Variants in EPHX1 observed in about 807,000 individuals in gnomAD.
The protein encoded by EPHX1 is epoxide hydrolase 1.
A neutral mutation model predicts 43.2 loss-of-function variants in EPHX1; 40 were observed. The observed-to-expected ratio is 0.93, with a 90% CI of 0.72 to 1.21. EPHX1 has a LOEUF of 1.21. Among genes scored for constraint, EPHX1 ranks in the 50% most tolerant of loss-of-function variants. The pLI is 0.00. For synonymous variants in EPHX1, 221 were observed against 226.7 expected (o/e 0.98, Z 0.22); for missense variants, 550 against 570.4 (o/e 0.96, Z 0.36).
At chr1:225,833,422 T>C (rs1667730073) in intron 3 of EPHX1, among the ~76,000 whole-genome samples, 1 of 151,824 alleles carries the variant, frequency 6.6e-6, no homozygotes, top group African/African-American at 2.4e-5. Flanking sequence ...GAGGATTGCT[T>C]GAGCCCAGGA....
intron 1 of EPHX1, among the ~76,000 whole-genome samples, chr1:225,820,207 C>T (rs1666922540): frequency 6.6e-6 from 1 of 152,010 alleles, no homozygotes. Flanking sequence ...AAGCAATTCT[C>T]CCTGCCTCAG....
rs778213283 is a variant in EPHX1 at position 225,831,808 on chromosome 1, T to C, written c.213T>C (p.Arg71=). 1.9e-6 allele frequency: 3 copies of C among 1,613,978 alleles called. No homozygotes were observed. The highest frequency in any genetic ancestry group is 1.7e-5 in the Admixed American group (1 of 59,986). ...HDLHQRIDKF[R]FTPPLEDSCF... Reference sequence around the variant, plus strand: ...TACACCAGAGGATCGATAAGTTCCGTTTCACCCCACCTTTGGAGGACAGCT... The same window carrying C: ...TACACCAGAGGATCGATAAGTTCCGCTTCACCCCACCTTTGGAGGACAGCT... The change falls in exon 3 of 9, where the codon CGT becomes CGC. Residue 71 remains arginine, a synonymous_variant. Transcript: ENST00000272167.
At chr1:225,828,068 G>A (rs971258716) in intron 1 of EPHX1, among the ~76,000 whole-genome samples, 6 of 152,150 alleles carry the variant, frequency 3.9e-5, no homozygotes, top group South Asian at 2.1e-4. Context: ...TGAGGCTGTC[G>A]GGCGCCGTGG....
In EPHX1 at chr1:225,839,232, C is replaced by G; in HGVS notation, c.608C>G (p.Ala203Gly). The change falls in exon 5 of 9, where the codon GCC becomes GGC. Residue 203 changes from alanine to glycine, a missense_variant. Physicochemically the swap from Ala to Gly is moderately conservative, Grantham distance 60 (BLOSUM62 0). Transcript: ENST00000272167. ...ASSKKGFNSV[A>G]TARIFYKLML... ...TCACTGCCAGGGTTCAACTCGGTGG[C>G]CACCGCCAGGATCTTTTACAAGCTG... 1 of 1,614,094 alleles carries G rather than the reference C, an allele frequency of 6.2e-7. No homozygotes were observed. The highest frequency in any genetic ancestry group is 2.2e-5 in the East Asian group (1 of 44,882).
intron 7 of EPHX1, among the ~76,000 whole-genome samples, chr1:225,843,094 G>C (rs1185114865): frequency 6.6e-6 from 1 of 152,228 alleles, no homozygotes; most frequent in African/African-American, 2.4e-5. Context: ...TAGGGACTCT[G>C]TCTTGGCCAT....
At chr1:225,829,435 T>G (rs1290162484) in intron 2 of EPHX1, among the ~76,000 whole-genome samples, 1 of 152,156 alleles carries the variant, frequency 6.6e-6, no homozygotes, top group Non-Finnish European at 1.5e-5. Context: ...ATAAAGCAAC[T>G]CGTTCAAGGC....
chr1:225,842,447 G>A lies in EPHX1; in HGVS notation c.1013G>A (p.Arg338Gln), dbSNP rs1451067258. The change falls in exon 7 of 9, where the codon CGA becomes CAA. Residue 338 changes from arginine to glutamine, a missense_variant. Physicochemically the swap from Arg to Gln is conservative, Grantham distance 43. Coordinates refer to ENST00000272167, the MANE Select transcript of EPHX1 (RefSeq NM_001136018.4). Reference protein sequence around the residue: ...KFSTWTNTEFRYLEDGGLERK... With the variant: ...KFSTWTNTEFQYLEDGGLERK... ...TCCACCTGGACCAATACGGAATTCCGATACCTGGAGGATGGAGGCCTGGAA... is the reference window on the plus strand; with the variant it reads ...TCCACCTGGACCAATACGGAATTCCAATACCTGGAGGATGGAGGCCTGGAA... The A allele has an allele frequency of 8.1e-6, 13 of 1,613,864 alleles. No homozygotes were observed. Among genetic ancestry groups the A allele is most frequent in the East Asian group, 4.5e-5 (2 of 44,876 alleles).
At chr1:225,839,169 A>C in intron 4 of EPHX1, 48 bp from the exon 5 acceptor site, 1 of 1,613,322 alleles carries the variant, frequency 6.2e-7, no homozygotes, top group Non-Finnish European at 8.5e-7. Flanking sequence ...CCCAAGGAGC[A>C]ATCTGCCTGT....
In EPHX1 at chr1:225,845,109, C is replaced by T. The variant is rs375375807; in HGVS notation, c.1167-37C>T. On this transcript the variant is annotated intron_variant, in intron 8 of 8. Coordinates refer to ENST00000272167, the MANE Select transcript of EPHX1 (RefSeq NM_001136018.4). Reference sequence around the variant, plus strand: ...TGTGCAGGACGGAGGGGCGCAGGGCCACAGCCTCACCCCTCCGTCGGCTCT... The same window carrying T: ...TGTGCAGGACGGAGGGGCGCAGGGCTACAGCCTCACCCCTCCGTCGGCTCT... 2.6e-5 allele frequency: 42 copies of T among 1,609,186 alleles called. No individual in the cohort carries two copies. In the African/African-American group the frequency reaches 5.2e-4, roughly 20 times the overall value.
At position 225,845,506 on chromosome 1, in the gene EPHX1, C is replaced by T; in HGVS notation, c.*159C>T. On this transcript the variant is annotated 3_prime_UTR_variant, in exon 9 of 9. Coordinates refer to ENST00000272167, the MANE Select transcript of EPHX1 (RefSeq NM_001136018.4). ...TCACCCCTCCAAGCTCACTCCCCAA[C>T]CCCCAACTCCGTGTGGTAAGCAACA... The T allele has an allele frequency of 2.9e-6, 2 of 686,754 alleles. No homozygotes were observed. The highest frequency in any genetic ancestry group is 1.8e-5 in the South Asian group (1 of 54,380). The allele number at this position is 686,754 out of a possible 1,614,324, so 42.5% of individuals were successfully genotyped here.
rs1219385557 is a variant in EPHX1, at chr1:225,845,239, C to T, written c.1260C>T (p.Leu420=). 4 of 1,614,014 alleles carry T rather than the reference C, an allele frequency of 2.5e-6. No individual in the cohort carries two copies. The highest frequency in any genetic ancestry group is 1.7e-5 in the Admixed American group (1 of 60,008). Reference sequence around the variant, plus strand: ...GGGTGAGGTTCAAGTACCCAAAGCTCATCTCCTATTCCTACATGGTTCGTG... The same window carrying T: ...GGGTGAGGTTCAAGTACCCAAAGCTTATCTCCTATTCCTACATGGTTCGTG... ...EKWVRFKYPK[L]ISYSYMVRGG... The change falls in exon 9 of 9, where the codon CTC becomes CTT. Residue 420 remains leucine, a synonymous_variant. Transcript: ENST00000272167.
chr1:225,844,547 A>T lies in EPHX1; in HGVS notation c.1090A>T (p.Thr364Ser). 6.2e-7 allele frequency: 1 copy of T among 1,614,136 alleles called. No homozygotes were observed. The highest frequency in any genetic ancestry group is 8.5e-7 in the Non-Finnish European group (1 of 1,179,992). ...GACCAACGTCATGCTCTACTGGACAACAGGCACCATCATCTCCTCCCAGCG... is the reference window on the plus strand; with the variant it reads ...GACCAACGTCATGCTCTACTGGACATCAGGCACCATCATCTCCTCCCAGCG... ...LLTNVMLYWT[T>S]GTIISSQRFY... The change falls in exon 8 of 9, where the codon ACA (threonine) becomes TCA (serine). Residue 364 changes from threonine to serine, a missense_variant. Transcript: ENST00000272167.
chr1:225,827,876 A>G (rs900025610), intron 1 of EPHX1, among the ~76,000 whole-genome samples: 1 of 151,550 alleles, frequency 6.6e-6, no homozygotes, highest in Admixed American at 6.6e-5. Context: ...CCCAACCCCA[A>G]ATTGAACTTA....
rs191204371 is a variant in EPHX1, at chr1:225,826,900, G to A, written c.-5-1825G>A. Among the ~76,000 whole-genome samples the A allele has an allele frequency of 3.0e-3, 457 of 152,174 alleles. 1 individual carries two copies. The highest frequency in any genetic ancestry group is 4.7e-3 in the Non-Finnish European group (319 of 68,000). On this transcript the variant is annotated intron_variant, in intron 1 of 8. Transcript: ENST00000272167. The stretch of plus-strand genomic sequence containing the variant: ...GGAGATGACTCTAGGGCCTGAGGGT[G>A]GGAAGCTGGGAGTTCACTGGGATCA...
At chr1:225,840,772 T>A (rs1020523126) in intron 6 of EPHX1, 1 of 153,398 alleles carries the variant, frequency 6.5e-6, no homozygotes, top group Non-Finnish European at 1.5e-5. Context: ...GAAGGTCTGC[T>A]AGGTAACTCC....
chr1:225,810,163 C>T lies in EPHX1; in HGVS notation c.-12C>T, dbSNP rs867233273. ...CCTGCCGCCGCCGGAGCCTGCGAGC[C>T]GAGACCGTAAGCGCCCGGGGCCGGC... On this transcript the variant is annotated 5_prime_UTR_variant, in exon 1 of 9. Coordinates refer to ENST00000272167, the MANE Select transcript of EPHX1 (RefSeq NM_001136018.4). 3 of 151,800 alleles carry T rather than the reference C, an allele frequency of 2.0e-5. No individual in the cohort carries two copies. The highest frequency in any genetic ancestry group is 1.9e-4 in the East Asian group (1 of 5,174). The allele number at this position is 151,800 out of a possible 1,614,324, so 9.4% of individuals were successfully genotyped here.
Position 225,814,487 on chromosome 1 carries a change from C to T in EPHX1, c.-6+4318C>T, listed in dbSNP as rs528751933. Among the ~76,000 whole-genome samples the T allele has an allele frequency of 2.2e-4, 33 of 152,362 alleles. No individual in the cohort carries two copies. The South Asian group carries it at 6.2e-3, about 29-fold the overall frequency. ...AGGGCTTCTCTAGCCTTCCTCACAG[C>T]GGTTGGGGGTGCCCAGACACATCCT... is the stretch of plus-strand genomic sequence containing the variant. On this transcript the variant is annotated intron_variant, in intron 1 of 8. Transcript: ENST00000272167.
chr1:225,841,347 A>ATC (rs1189923123), intron 6 of EPHX1, among the ~76,000 whole-genome samples: 1 of 152,068 alleles, frequency 6.6e-6, no homozygotes, highest in Non-Finnish European at 1.5e-5. Context: ...CAGTGGTGTG[A>ATC]TCTCAGCTCA....
At chr1:225,814,918 C>T (rs1415239012) in intron 1 of EPHX1, among the ~76,000 whole-genome samples, 1 of 152,238 alleles carries the variant, frequency 6.6e-6, no homozygotes, top group Non-Finnish European at 1.5e-5. Flanking sequence ...AGTGCCAAGC[C>T]CCAAGGCCAT....
Sources: gnomAD v4.1 joint callset for allele counts (sites outside exome capture counted in the v4.1 genomes callset) on GRCh38, gnomAD v4.1.1 for gene constraint, MANE v1.5 for transcripts, NCBI Gene and HGNC (gene_info 2026-07-23, HGNC 2026-07-21) for gene names.